Variants in PHLDB2 observed in about 807,000 individuals in gnomAD.
PHLDB2 encodes the protein pleckstrin homology-like domain family B member 2.
A neutral mutation model predicts 123.6 loss-of-function variants in PHLDB2; 71 were observed. The observed-to-expected ratio is 0.57, with a 90% CI of 0.47 to 0.70. PHLDB2 has a LOEUF of 0.70. Among genes scored for constraint, PHLDB2 ranks in the 30% least tolerant of loss-of-function variants. The pLI is 0.00. For synonymous variants in PHLDB2, 547 were observed against 541.6 expected (o/e 1.01, Z -0.14); for missense variants, 1,446 against 1,519.5 (o/e 0.95, Z 0.80).
chr3:111,958,708 G>A (rs2071205770), intron 12 of PHLDB2: 1 of 455,768 alleles, frequency 2.2e-6, no homozygotes, highest in African/African-American at 2.0e-5. Context: ...GAAGGATTTA[G>A]AGCATTTTCA....
intron 1 of PHLDB2, among the ~76,000 whole-genome samples, chr3:111,866,896 C>T (rs1200075099): frequency 6.6e-6 from 1 of 150,886 alleles, no homozygotes; most frequent in Admixed American, 6.6e-5. Context: ...CTAAAGAGCT[C>T]CTCCACTCTC....
chr3:111,967,577 C>T lies in PHLDB2; in HGVS notation c.3169-101C>T. The T allele has an allele frequency of 3.9e-6, 5 of 1,272,754 alleles. No individual in the cohort carries two copies. The South Asian group carries it at 7.4e-5, about 19-fold the overall frequency. 78.8% of individuals were successfully genotyped at this position (1,272,754 alleles called of 1,614,324 possible). A position where few individuals can be genotyped will look rare whatever the true frequency, so the allele number is the denominator to read the frequency against. On this transcript the variant is annotated intron_variant, in intron 14 of 17. Coordinates refer to ENST00000431670, the MANE Select transcript of PHLDB2 (RefSeq NM_001134438.2). ...GTATTATAAGAGACTAGTCTACAAA[C>T]CAAGATTTGTCTAGTAAGAATTGTC... is the stretch of plus-strand genomic sequence containing the variant.
chr3:111,790,047 G>A (rs974538691), intron 1 of PHLDB2, among the ~76,000 whole-genome samples: 68 of 152,178 alleles, frequency 4.5e-4, no homozygotes, highest in African/African-American at 1.4e-3. Context: ...CTGACTGGGG[G>A]CAGGGCGTTC....
chr3:111,933,769 A>T (rs900867822), intron 6 of PHLDB2, among the ~76,000 whole-genome samples: 1 of 152,184 alleles, frequency 6.6e-6, no homozygotes, highest in Non-Finnish European at 1.5e-5. Context: ...AACAAAAGAG[A>T]TGGGAAAACT....
intron 14 of PHLDB2, 38 bp downstream of exon 14, chr3:111,966,741 C>T (rs1328205273): frequency 5.1e-6 from 8 of 1,557,094 alleles, no homozygotes; most frequent in Admixed American, 1.7e-5. Context: ...TCTGTGATAC[C>T]GTGGTGCAGG....
chr3:111,945,375 A>AT lies in PHLDB2; in HGVS notation c.2487+19dup. On this transcript the variant is annotated intron_variant, in intron 9 of 17. Coordinates refer to ENST00000431670, the MANE Select transcript of PHLDB2 (RefSeq NM_001134438.2). ...TAAAAGAGGTAAGCTATGATTTTACATGTCGCTTTATGTTGCCTTAGAAAT... is the reference window on the plus strand; with the variant it reads ...TAAAAGAGGTAAGCTATGATTTTACATTGTCGCTTTATGTTGCCTTAGAAAT... 6.7e-7 allele frequency: 1 copy of AT among 1,500,786 alleles called. No homozygotes were observed. The highest frequency in any genetic ancestry group is 9.3e-7 in the Non-Finnish European group (1 of 1,080,492). The allele number at this position is 1,500,786 out of a possible 1,614,324, so 93.0% of individuals were successfully genotyped here. A position where few individuals can be genotyped will look rare whatever the true frequency, so the allele number is the denominator to read the frequency against.
intron 2 of PHLDB2, among the ~76,000 whole-genome samples, chr3:111,902,113 A>G (rs1262438409): frequency 6.6e-6 from 1 of 152,240 alleles, no homozygotes; most frequent in African/African-American, 2.4e-5. Context: ...GCAAAAAGTC[A>G]TCAGGAAAAG....
intron 2 of PHLDB2, chr3:111,846,594 A>G (rs987180963): frequency 3.9e-5 from 6 of 152,208 alleles, no homozygotes; most frequent in East Asian, 1.9e-4. Context: ...GTCTTCTTGT[A>G]TTAAGGGAGG....
At chr3:111,749,008 T>A (rs1388807734) in intron 1 of PHLDB2, among the ~76,000 whole-genome samples, 17 of 151,808 alleles carry the variant, frequency 1.1e-4, no homozygotes, top group Admixed American at 1.1e-3. Context: ...GGCTGAGAAG[T>A]CTTTCCTGTT....
chr3:111,786,559 T>A (rs111812400), intron 1 of PHLDB2, among the ~76,000 whole-genome samples: 33 of 152,292 alleles, frequency 2.2e-4, no homozygotes, highest in African/African-American at 7.9e-4. Context: ...ACCTAGTAAA[T>A]AACTATTGTT....
intron 10 of PHLDB2, chr3:111,949,628 T>C (rs1559918318): frequency 6.4e-6 from 5 of 776,876 alleles, no homozygotes; most frequent in Non-Finnish European, 7.8e-6. Flanking sequence ...CAGAACAAAC[T>C]ATCAATTTCA....
chr3:111,821,879 C>T (rs907303822), intron 1 of PHLDB2, among the ~76,000 whole-genome samples: 1 of 152,138 alleles, frequency 6.6e-6, no homozygotes, highest in Non-Finnish European at 1.5e-5. Flanking sequence ...AGGAAAATAC[C>T]AGTAACCTAG....
chr3:111,873,316 C>T (rs550901935), intron 1 of PHLDB2, among the ~76,000 whole-genome samples: 27 of 149,876 alleles, frequency 1.8e-4, no homozygotes, highest in Non-Finnish European at 3.6e-4. Context: ...AGTGGTGGCA[C>T]TTCCTGGGGT....
At chr3:111,922,553 T>C (rs1408625812) in intron 5 of PHLDB2, among the ~76,000 whole-genome samples, 1 of 152,174 alleles carries the variant, frequency 6.6e-6, no homozygotes, top group African/African-American at 2.4e-5. Context: ...GTAGGATTAT[T>C]CTCTGTCATT....
At chr3:111,930,939 A>G (rs1386212444) in intron 5 of PHLDB2, among the ~76,000 whole-genome samples, 1 of 152,376 alleles carries the variant, frequency 6.6e-6, no homozygotes, top group Non-Finnish European at 1.5e-5. Flanking sequence ...ATTTAAGTGA[A>G]AAATGGAGAC....
intron 2 of PHLDB2, chr3:111,911,648 A>T: frequency 6.5e-7 from 1 of 1,536,144 alleles, no homozygotes; most frequent in Non-Finnish European, 8.7e-7. Flanking sequence ...GTGTGTAGCT[A>T]TGAGTGCCTG....
chr3:111,899,380 T>C (rs1478794735), intron 2 of PHLDB2, among the ~76,000 whole-genome samples: 2 of 152,152 alleles, frequency 1.3e-5, no homozygotes, highest in African/African-American at 4.8e-5. Flanking sequence ...ATCACCTAGG[T>C]ATTAAGCCTG....
chr3:111,839,198 A>T (rs1235584660), intron 1 of PHLDB2, among the ~76,000 whole-genome samples: 1 of 152,176 alleles, frequency 6.6e-6, no homozygotes, highest in Non-Finnish European at 1.5e-5. Context: ...GAAACAAACA[A>T]ACAAACAAAC....
Position 111,913,573 on chromosome 3 carries a change from C to T in PHLDB2, c.1590C>T (p.Ala530=), listed in dbSNP as rs1485027728. The change falls in exon 3 of 18, where the codon GCC becomes GCT. Residue 530 remains alanine (A), a synonymous_variant. Coordinates refer to ENST00000431670, the MANE Select transcript of PHLDB2 (RefSeq NM_001134438.2). ...GTGGGAGTCTCAGTCAGAGCAGTGC[C>T]AGCTTCTTTACCCCCAGGAGCACCA... ...ASCGSLSQSS[A]SFFTPRSTRN... The T allele has an allele frequency of 6.2e-7, 1 of 1,614,158 alleles. No homozygotes were observed. The highest frequency in any genetic ancestry group is 8.5e-7 in the Non-Finnish European group (1 of 1,180,024).
Sources: allele counts gnomAD v4.1 joint callset (sites outside exome capture counted in the v4.1 genomes callset), GRCh38; gene constraint gnomAD v4.1.1; transcripts MANE v1.5; gene names NCBI Gene and HGNC (gene_info 2026-07-23, HGNC 2026-07-21).